SCAF1: variants seen among roughly 807,000 people sequenced by gnomAD.
SCAF1 encodes splicing factor, arginine/serine-rich 19.
SCAF1 carries 28 observed loss-of-function variants against 91.2 expected under a neutral mutation model. The ratio of observed to expected loss-of-function variants is 0.31; its 90% CI spans 0.23 to 0.42. The LOEUF is 0.42. SCAF1 is among the 10% of genes least tolerant of loss of function. The pLI is 1.00. For missense variants in SCAF1, 1,893 were observed against 1,872.1 expected (o/e 1.01, Z -0.21); for synonymous variants, 1,036 against 833.7 (o/e 1.24, Z -4.18).
rs1208655576 is a variant in SCAF1, at chr19:49,651,294, C to A, written c.905C>A (p.Ala302Glu). ...QSISRISETLAGIYDDNSLSQ... is the reference protein window; with the variant it reads ...QSISRISETLEGIYDDNSLSQ... ...ATCAGCCGCATCTCGGAGACCCTGG[C>A]GGGCATCTACGATGACAACAGCCTG... Residue 302 changes from alanine (A) to glutamate (E), a missense_variant, in exon 7 of 11, where the codon GCG becomes GAG. Physicochemically the swap from Ala to Glu is moderately radical, Grantham distance 107. Coordinates refer to ENST00000360565, the MANE Select transcript of SCAF1 (RefSeq NM_021228.3). 6.2e-7 allele frequency: 1 copy of A among 1,610,982 alleles called. No individual in the cohort carries two copies. Among genetic ancestry groups the A allele is most frequent in the East Asian group, 2.2e-5 (1 of 44,820 alleles).
chr19:49,640,763 G>A (rs1568438758), upstream of SCAF1, among the ~76,000 whole-genome samples: 2 of 152,196 alleles, frequency 1.3e-5, no homozygotes. Context: ...GGGGACAGCA[G>A]GGTAACGGGG....
chr19:49,656,161 G>A (rs1295036655), intron 9 of SCAF1, among the ~76,000 whole-genome samples: 1 of 126,228 alleles, frequency 7.9e-6, no homozygotes, highest in Non-Finnish European at 1.6e-5. Flanking sequence ...GGACTCGGAC[G>A]GTGAGGACCC....
rs960661021 is a variant in SCAF1 at position 49,651,614 on chromosome 19, C to G, written c.1225C>G (p.Leu409Val). ...PEEEPRLALS[L>V]FRPGGRAARP... ...GGAGGAGCCCAGGCTGGCGCTGTCCCTCTTCCGCCCCGGCGGCCGGGCCGC... is the reference window on the plus strand; with the variant it reads ...GGAGGAGCCCAGGCTGGCGCTGTCCGTCTTCCGCCCCGGCGGCCGGGCCGC... The change falls in exon 7 of 11, where the codon CTC becomes GTC. Residue 409 changes from leucine (L) to valine (V), a missense_variant. By Grantham distance (32) the Leu-to-Val change is conservative. Around this residue, in one of 5 missense-constraint regions of SCAF1, gnomAD observed 1,436 missense variants for 1,306.8 expected, o/e 1.10. Transcript: ENST00000360565. 2 of 1,477,214 alleles carry G rather than the reference C, an allele frequency of 1.4e-6. No homozygotes were observed. Among genetic ancestry groups the G allele is most frequent in the Non-Finnish European group, 1.8e-6 (2 of 1,117,832 alleles). The allele number at this position is 1,477,214 out of a possible 1,614,324, so 91.5% of individuals were successfully genotyped here.
rs1304991183 is a variant in SCAF1 at position 49,646,315 on chromosome 19, GCTGA to G, written c.261+115_261+118del. On this transcript the variant is annotated intron_variant, in intron 4 of 10. Coordinates refer to ENST00000360565, the MANE Select transcript of SCAF1 (RefSeq NM_021228.3). This position sits in a 1 kb window ranked among gnomAD's most constrained non-coding sequence, Gnocchi z 5.6. ...GGACCTGGACTCCTGGCTCTGCGAT[GCTGA>G]CCAGGGGCAATGTTGGAGAGTCTGG... 1 of 982,868 alleles carries G rather than the reference GCTGA, an allele frequency of 1.0e-6. No individual in the cohort carries two copies. Among genetic ancestry groups the G allele is most frequent in the Non-Finnish European group, 1.5e-6 (1 of 669,794 alleles). 60.9% of individuals were successfully genotyped at this position (982,868 alleles called of 1,614,324 possible). A position where few individuals can be genotyped will look rare whatever the true frequency, so the allele number is the denominator to read the frequency against.
chr19:49,651,872 CG>C lies in SCAF1; in HGVS notation c.1484del (p.Arg495ProfsTer243). ...KILTQRRERY[R>X]QRSPSPAPAP... is the part of the protein sequence containing the mutation. ...CCTGACCCAACGGCGGGAGCGCTAC[CG>C]CCAGCGCTCGCCCTCCCCGGCGCCC... On this transcript the variant is annotated frameshift_variant, in exon 7 of 11. Transcript: ENST00000360565. LOFTEE classifies it high-confidence loss of function. The C allele has an allele frequency of 8.2e-7, 1 of 1,221,232 alleles. No homozygotes were observed. The highest frequency in any genetic ancestry group is 1.0e-6 in the Non-Finnish European group (1 of 978,232). The allele number at this position is 1,221,232 out of a possible 1,614,324, so 75.6% of individuals were successfully genotyped here. A position where few individuals can be genotyped will look rare whatever the true frequency, so the allele number is the denominator to read the frequency against.
At position 49,650,752 on chromosome 19, in the gene SCAF1, T is replaced by C. The variant is rs187354672; in HGVS notation, c.479-116T>C. The C allele has an allele frequency of 6.9e-4, 508 of 735,454 alleles. 1 individual carries two copies. In the African/African-American group the frequency reaches 8.0e-3, roughly 12 times the overall value. The allele number at this position is 735,454 out of a possible 1,614,324, so 45.6% of individuals were successfully genotyped here. A position where few individuals can be genotyped will look rare whatever the true frequency, so the allele number is the denominator to read the frequency against. The stretch of plus-strand genomic sequence containing the variant: ...CTACGGCTGGCTCCTGTGAAGCACT[T>C]GGGGCTTCCTGGGCAGGACCTGGTG... On this transcript the variant is annotated intron_variant, in intron 6 of 10. Transcript: ENST00000360565.
Position 49,654,942 on chromosome 19 carries a change from G to A in SCAF1, c.3618+72G>A, listed in dbSNP as rs762709344. The A allele has an allele frequency of 1.1e-4, 133 of 1,218,338 alleles. 2 individuals are homozygous for A. Among genetic ancestry groups the A allele is most frequent in the African/African-American group, 2.7e-4 (18 of 65,510 alleles). 75.5% of individuals were successfully genotyped at this position (1,218,338 alleles called of 1,614,324 possible). ...AGAATATGGACAGGAACTGAGACGC[G>A]GGGGCCCAAGGAGAAAGGGAGACTG... On this transcript the variant is annotated intron_variant, in intron 9 of 10. Transcript: ENST00000360565.
upstream of SCAF1, among the ~76,000 whole-genome samples, chr19:49,641,728 G>A (rs901368204): frequency 3.3e-5 from 5 of 152,318 alleles, no homozygotes; most frequent in South Asian, 2.1e-4. Flanking sequence ...TACGGTGTGC[G>A]CCACTGCATC....
Position 49,652,591 on chromosome 19 carries a change from C to T in SCAF1, c.2202C>T (p.Ser734=), listed in dbSNP as rs767590134. 2.6e-6 allele frequency: 4 copies of T among 1,568,358 alleles called. No individual in the cohort carries two copies. The South Asian group carries it at 4.6e-5, about 18-fold the overall frequency. ...CTAAGCGGGAGGTCCTGTACGACTC[C>T]GAGGGACTGAGCGGCGAGGAGCGGG... is the stretch of plus-strand genomic sequence containing the variant. ...SSPKREVLYD[S]EGLSGEERGG... Residue 734 remains serine (S), a synonymous_variant, in exon 7 of 11, where the codon TCC becomes TCT. Transcript: ENST00000360565.
chr19:49,651,306 A>T lies in SCAF1; in HGVS notation c.917A>T (p.Asp306Val), dbSNP rs1246382788. ...RISETLAGIYDDNSLSQDFPG... is the reference protein window; with the variant it reads ...RISETLAGIYVDNSLSQDFPG... Reference sequence around the variant, plus strand: ...TCGGAGACCCTGGCGGGCATCTACGATGACAACAGCCTGAGCCAGGACTTC... The same window carrying T: ...TCGGAGACCCTGGCGGGCATCTACGTTGACAACAGCCTGAGCCAGGACTTC... The change falls in exon 7 of 11, where the codon GAT becomes GTT. Residue 306 changes from aspartate (D) to valine (V), a missense_variant. Transcript: ENST00000360565. 1 of 1,610,786 alleles carries T rather than the reference A, an allele frequency of 6.2e-7. No homozygotes were observed.
intron 6 of SCAF1, among the ~76,000 whole-genome samples, chr19:49,647,380 CA>C (rs2081061799): frequency 6.6e-6 from 1 of 152,238 alleles, no homozygotes; most frequent in Non-Finnish European, 1.5e-5. Context: ...CTATGCACAT[CA>C]CTGGGCCCAC....
At position 49,646,871 on chromosome 19, in the gene SCAF1, G is replaced by A; in HGVS notation, c.478+41G>A. On this transcript the variant is annotated intron_variant, in intron 6 of 10. Coordinates refer to ENST00000360565, the MANE Select transcript of SCAF1 (RefSeq NM_021228.3). The surrounding 1 kb of genome is among the most constrained non-coding windows in gnomAD (Gnocchi z 5.6). ...GCGGAGCTGGGCAGGTGGTCGTGGA[G>A]TTGTGTGGGGATCGGCTGTTTTTGG... The A allele has an allele frequency of 6.7e-7, 1 of 1,497,358 alleles. No individual in the cohort carries two copies. Among genetic ancestry groups the A allele is most frequent in the Non-Finnish European group, 9.1e-7 (1 of 1,098,196 alleles). 92.8% of individuals were successfully genotyped at this position (1,497,358 alleles called of 1,614,324 possible).
upstream of SCAF1, among the ~76,000 whole-genome samples, chr19:49,641,570 G>A (rs2081026244): frequency 6.6e-6 from 1 of 152,276 alleles, no homozygotes; most frequent in African/African-American, 2.4e-5. Flanking sequence ...GCCTGCTTCG[G>A]CCTCCCAAAG....
At chr19:49,654,589 G>A in intron 8 of SCAF1, 63 bp from the exon 9 acceptor site, 1 of 1,399,890 alleles carries the variant, frequency 7.1e-7, no homozygotes, top group Non-Finnish European at 1.0e-6. Flanking sequence ...GAACAGTGGG[G>A]TGCACGTCCC....
Position 49,653,435 on chromosome 19 carries a change from G to T in SCAF1, c.3046G>T (p.Gly1016Trp). ...GCCCGAGGAGGCCACTGAGGAGGCT[G>T]GGGTCCGAGGTGGGGCGGAGGAGGA... is the stretch of plus-strand genomic sequence containing the variant. ...FLPEEATEEAGVRGGAEEEEE... is the reference protein window; with the variant it reads ...FLPEEATEEAWVRGGAEEEEE... Residue 1016 changes from glycine to tryptophan, a missense_variant, in exon 7 of 11, where the codon GGG (glycine) becomes TGG (tryptophan). Coordinates refer to ENST00000360565, the MANE Select transcript of SCAF1 (RefSeq NM_021228.3). 6.5e-7 allele frequency: 1 copy of T among 1,546,428 alleles called. No homozygotes were observed.
In SCAF1 at chr19:49,646,885, G is replaced by A. The variant is rs929323751; in HGVS notation, c.478+55G>A. On this transcript the variant is annotated intron_variant, in intron 6 of 10. Coordinates refer to ENST00000360565, the MANE Select transcript of SCAF1 (RefSeq NM_021228.3). The surrounding 1 kb of genome is among the most constrained non-coding windows in gnomAD (Gnocchi z 5.6). ...GTGGTCGTGGAGTTGTGTGGGGATCGGCTGTTTTTGGTAGTGATGGTAGCG... is the reference window on the plus strand; with the variant it reads ...GTGGTCGTGGAGTTGTGTGGGGATCAGCTGTTTTTGGTAGTGATGGTAGCG... The A allele has an allele frequency of 2.7e-5, 37 of 1,370,300 alleles. No homozygotes were observed. In the African/African-American group the frequency reaches 3.9e-4, roughly 14 times the overall value. 84.9% of individuals were successfully genotyped at this position (1,370,300 alleles called of 1,614,324 possible).
intron 9 of SCAF1, among the ~76,000 whole-genome samples, chr19:49,655,079 C>T (rs978545706): frequency 6.6e-6 from 1 of 152,314 alleles, no homozygotes; most frequent in South Asian, 2.1e-4. Context: ...AAAATCGCGT[C>T]TGTGCGTGTG....
rs777361498 is a variant in SCAF1 at position 49,654,751 on chromosome 19, C to T, written c.3499C>T (p.Pro1167Ser). 2 of 1,613,730 alleles carry T rather than the reference C, an allele frequency of 1.2e-6. No homozygotes were observed. Among genetic ancestry groups the T allele is most frequent in the African/African-American group, 1.3e-5 (1 of 74,924 alleles). The change falls in exon 9 of 11, where the codon CCT becomes TCT. Residue 1167 changes from proline to serine, a missense_variant. By Grantham distance (74) the Pro-to-Ser change is moderately conservative. Coordinates refer to ENST00000360565, the MANE Select transcript of SCAF1 (RefSeq NM_021228.3). Reference protein sequence around the residue: ...LPPGPSSYLLPGSLPLGGCGS... With the variant: ...LPPGPSSYLLSGSLPLGGCGS... ...CCCTGGCCCCTCCAGCTACCTGCTT[C>T]CTGGCAGCCTCCCTCTGGGGGGCTG...
At chr19:49,654,318 C>T (rs1369969220) in intron 7 of SCAF1, 31 bp from the exon 8 acceptor site, 3 of 1,598,824 alleles carry the variant, frequency 1.9e-6, no homozygotes, top group Admixed American at 1.7e-5. Context: ...CCTCTCCCAT[C>T]TTCATGTTGT....
Sources: gnomAD v4.1 joint callset for allele counts (sites outside exome capture counted in the v4.1 genomes callset) on GRCh38, gnomAD v4.1.1 for gene constraint, gnomAD v4.1.1 regional missense constraint, Gnocchi (gnomAD v3.1) non-coding constraint, MANE v1.5 for transcripts, NCBI Gene and HGNC (gene_info 2026-07-23, HGNC 2026-07-21) for gene names.